The following CRPPA variants were observed in gnomAD, a reference collection of about 807,000 sequenced individuals.
CRPPA encodes D-ribitol-5-phosphate cytidylyltransferase.
A neutral mutation model predicts 52.0 loss-of-function variants in CRPPA; 43 were observed. That is an observed-to-expected ratio of 0.83 (90% CI 0.65 to 1.07). The LOEUF is 1.07. CRPPA is among the 50% of genes least tolerant of loss of function. The probability of loss-of-function intolerance (pLI) is 0.00; values close to 1 mark genes in which losing one functional copy is unlikely to be tolerated. For synonymous variants in CRPPA, 250 were observed against 203.5 expected (o/e 1.23, Z -1.94); for missense variants, 629 against 551.7 (o/e 1.14, Z -1.40).
chr7:16,202,612 T>A (rs17616260), intron 9 of CRPPA, among the ~76,000 whole-genome samples: 9,094 of 152,214 alleles, frequency 0.06, 342 homozygotes, highest in Non-Finnish European at 0.082. Context: ...TTGTGCCAGA[T>A]TGTGTTAAAT....
At chr7:16,138,825 G>C (rs1782810888) in intron 9 of CRPPA, among the ~76,000 whole-genome samples, 1 of 152,060 alleles carries the variant, frequency 6.6e-6, no homozygotes, top group South Asian at 2.1e-4. Context: ...TTTTGAGATG[G>C]AGTTTCACTC....
chr7:16,405,449 AT>A (rs1245754017), intron 2 of CRPPA, among the ~76,000 whole-genome samples: 2 of 152,152 alleles, frequency 1.3e-5, no homozygotes. Flanking sequence ...TCGCTTGGCA[AT>A]AAATTTCACT....
chr7:16,329,693 CTA>C (rs1785505061), intron 3 of CRPPA, among the ~76,000 whole-genome samples: 1 of 152,196 alleles, frequency 6.6e-6, no homozygotes, highest in Non-Finnish European at 1.5e-5. Flanking sequence ...AAACAATCTT[CTA>C]CACACACAAA....
chr7:16,241,675 C>A (rs1783111147), intron 8 of CRPPA, among the ~76,000 whole-genome samples: 1 of 152,036 alleles, frequency 6.6e-6, no homozygotes, highest in African/African-American at 2.4e-5. Context: ...ACTATTTTAT[C>A]CAATAGTAGA....
chr7:16,110,061 GA>G (rs1027908919), intron 9 of CRPPA, among the ~76,000 whole-genome samples: 6 of 151,664 alleles, frequency 4.0e-5, no homozygotes, highest in Admixed American at 1.3e-4. Context: ...GTTAACAGTT[GA>G]AAAAAATACA....
chr7:16,307,476 G>A (rs531792435), intron 4 of CRPPA, among the ~76,000 whole-genome samples: 1 of 152,096 alleles, frequency 6.6e-6, no homozygotes, highest in Admixed American at 6.5e-5. Context: ...GAGGTCAGGA[G>A]TTCAAGACTA....
At chr7:16,164,773 G>A (rs1781013936) in intron 9 of CRPPA, among the ~76,000 whole-genome samples, 1 of 152,168 alleles carries the variant, frequency 6.6e-6, no homozygotes, top group South Asian at 2.1e-4. Flanking sequence ...CTCTTCTGCA[G>A]GTCTGCTGGA....
At chr7:16,206,687 C>T (rs1025671646) in intron 9 of CRPPA, among the ~76,000 whole-genome samples, 4 of 151,998 alleles carry the variant, frequency 2.6e-5, no homozygotes, top group Non-Finnish European at 4.4e-5. Context: ...TTCCTCCTTA[C>T]AAAGTGTTTT....
intron 9 of CRPPA, among the ~76,000 whole-genome samples, chr7:16,103,127 A>G (rs1376918925): frequency 6.6e-6 from 1 of 152,174 alleles, no homozygotes; most frequent in African/African-American, 2.4e-5. Context: ...ATGCAGCCAT[A>G]AAAAGAATGA....
chr7:16,317,530 T>G (rs1292568022), intron 3 of CRPPA, among the ~76,000 whole-genome samples: 1 of 152,186 alleles, frequency 6.6e-6, no homozygotes, highest in Admixed American at 6.5e-5. Flanking sequence ...TTTTCTTATA[T>G]CTAATGTCCA....
chr7:16,341,053 C>T (rs1562642030), intron 3 of CRPPA, among the ~76,000 whole-genome samples: 1 of 151,904 alleles, frequency 6.6e-6, no homozygotes, highest in African/African-American at 2.4e-5. Context: ...AGGCAAGCTA[C>T]GGAGACAGTA....
rs778836214 is a variant in CRPPA at position 16,364,191 on chromosome 7, A to C, written c.684+11901T>G. On this transcript the variant is annotated intron_variant, in intron 3 of 9. Transcript: ENST00000407010. Reference sequence around the variant, plus strand: ...TGTGTCTTTTTACATTAAGGCATAAAATGTGAGCATCTGAGCCTCAGGTAC... The same window carrying C: ...TGTGTCTTTTTACATTAAGGCATAACATGTGAGCATCTGAGCCTCAGGTAC... Among the ~76,000 whole-genome samples, 4 of 152,242 alleles carry C rather than the reference A, an allele frequency of 2.6e-5. 1 individual carries two copies. In the South Asian group the frequency reaches 6.2e-4, roughly 24 times the overall value.
chr7:16,369,593 AAAG>A (rs1786695675), intron 3 of CRPPA, among the ~76,000 whole-genome samples: 1 of 152,200 alleles, frequency 6.6e-6, no homozygotes, highest in South Asian at 2.1e-4. Flanking sequence ...TTTTAATAGG[AAAG>A]ATACACACCA....
At chr7:16,192,646 C>T (rs975145713) in intron 9 of CRPPA, among the ~76,000 whole-genome samples, 10 of 152,034 alleles carry the variant, frequency 6.6e-5, no homozygotes, top group Non-Finnish European at 1.3e-4. Context: ...TGGTTTCCAT[C>T]GCTGAACATG....
chr7:16,219,980 G>A (rs1433838465), intron 8 of CRPPA, among the ~76,000 whole-genome samples: 9 of 145,210 alleles, frequency 6.2e-5, no homozygotes, highest in Non-Finnish European at 1.4e-4. Flanking sequence ...GCCGGGCAGA[G>A]ACACAACCAA....
chr7:16,245,013 A>C (rs1783230795), intron 8 of CRPPA, among the ~76,000 whole-genome samples: 1 of 152,014 alleles, frequency 6.6e-6, no homozygotes, highest in African/African-American at 2.4e-5. Flanking sequence ...CATTCTTTTC[A>C]AATTTTAAAG....
Position 16,271,890 on chromosome 7 carries a change from G to C in CRPPA, c.933+6239C>G, listed in dbSNP as rs189774921. Among the ~76,000 whole-genome samples, 115 of 152,254 alleles carry C rather than the reference G, an allele frequency of 7.6e-4. 2 individuals carry two copies. Among genetic ancestry groups the C allele is most frequent in the African/African-American group, 2.7e-3 (112 of 41,552 alleles). ...CTCAGTTCAACTCCCTGTATCTAGT[G>C]ACTATATCATGACAGGCATTTATTA... On this transcript the variant is annotated intron_variant, in intron 6 of 9. Transcript: ENST00000407010.
At chr7:16,291,102 G>A (rs1424215583) in intron 5 of CRPPA, among the ~76,000 whole-genome samples, 1 of 151,898 alleles carries the variant, frequency 6.6e-6, no homozygotes, top group Non-Finnish European at 1.5e-5. Flanking sequence ...CAGTTACAGG[G>A]CTATTATCAA....
intron 3 of CRPPA, among the ~76,000 whole-genome samples, chr7:16,338,790 G>C (rs1785748651): frequency 6.6e-6 from 1 of 151,206 alleles, no homozygotes; most frequent in South Asian, 2.1e-4. Flanking sequence ...GCCCCCAATG[G>C]GTTCATCGTG....
Sources: allele counts gnomAD v4.1 joint callset (sites outside exome capture counted in the v4.1 genomes callset), GRCh38; gene constraint gnomAD v4.1.1; transcripts MANE v1.5; gene names NCBI Gene and HGNC (gene_info 2026-07-23, HGNC 2026-07-21).